Variants in CNTNAP2 observed in about 807,000 individuals in gnomAD.
The protein encoded by CNTNAP2 is contactin-associated protein-like 2.
Under a neutral mutation model 155.2 loss-of-function variants are expected in CNTNAP2, and 98 were observed. The observed-to-expected ratio is 0.63, with a 90% CI of 0.54 to 0.75. The LOEUF (loss-of-function observed/expected upper bound fraction) is 0.75. Ranked by LOEUF, CNTNAP2 falls within the 30% of genes least tolerant of loss-of-function variation. The pLI is 0.00. For missense variants in CNTNAP2, 1,727 were observed against 1,688.1 expected (o/e 1.02, Z -0.40); for synonymous variants, 651 against 631.2 (o/e 1.03, Z -0.47).
chr7:148,293,707 G>A (rs777994361), intron 21 of CNTNAP2, among the ~76,000 whole-genome samples: 45 of 152,068 alleles, frequency 3.0e-4, no homozygotes, highest in African/African-American at 4.8e-5. Flanking sequence ...TGAAGGTTGT[G>A]TCAACATTCC....
chr7:146,983,929 G>A (rs1798067689), intron 3 of CNTNAP2, among the ~76,000 whole-genome samples: 1 of 152,172 alleles, frequency 6.6e-6, no homozygotes, highest in African/African-American at 2.4e-5. Flanking sequence ...CTTAGAAGAT[G>A]TTTTCTTTAA....
chr7:148,068,831 G>T (rs990359901), intron 15 of CNTNAP2, among the ~76,000 whole-genome samples: 3 of 152,134 alleles, frequency 2.0e-5, no homozygotes, highest in Non-Finnish European at 1.5e-5. Flanking sequence ...CTCTGACCCA[G>T]GTTGTTTTAT....
chr7:146,313,881 C>T (rs1391023457), intron 1 of CNTNAP2, among the ~76,000 whole-genome samples: 1 of 152,044 alleles, frequency 6.6e-6, no homozygotes, highest in Non-Finnish European at 1.5e-5. Context: ...TACCTGTAGT[C>T]CCAGTTACTC....
intron 3 of CNTNAP2, among the ~76,000 whole-genome samples, chr7:146,875,054 A>G (rs1457073679): frequency 6.6e-6 from 1 of 152,214 alleles, no homozygotes; most frequent in Non-Finnish European, 1.5e-5. Flanking sequence ...TATTCAATTT[A>G]CATTTATTTG....
intron 11 of CNTNAP2, among the ~76,000 whole-genome samples, chr7:147,537,380 A>G (rs1346295100): frequency 1.3e-5 from 2 of 152,238 alleles, no homozygotes; most frequent in Non-Finnish European, 2.9e-5. Flanking sequence ...CTTAAAAATT[A>G]TATTCAAACT....
intron 21 of CNTNAP2, among the ~76,000 whole-genome samples, chr7:148,344,033 C>A (rs963897643): frequency 2.0e-5 from 3 of 152,144 alleles, no homozygotes; most frequent in African/African-American, 7.2e-5. Context: ...TCTAATGATA[C>A]CCCTAGGAGT....
intron 3 of CNTNAP2, among the ~76,000 whole-genome samples, chr7:147,034,802 C>G (rs1799116473): frequency 6.6e-6 from 1 of 152,120 alleles, no homozygotes; most frequent in Non-Finnish European, 1.5e-5. Context: ...TGTGCTTTTC[C>G]ACTCCTCTGC....
chr7:147,724,716 C>G (rs1563066164), intron 13 of CNTNAP2, among the ~76,000 whole-genome samples: 2 of 152,074 alleles, frequency 1.3e-5, no homozygotes, highest in Non-Finnish European at 2.9e-5. Context: ...ATTTCTCCTT[C>G]CTATATTACA....
Position 148,409,417 on chromosome 7 carries a change from G to C in CNTNAP2, c.3742G>C (p.Gly1248Arg). ...CAGTGCGGATTTTCCATATAATCCAGGACAAGGCCAAGCTATAAGAAATGG... is the reference window on the plus strand; with the variant it reads ...CAGTGCGGATTTTCCATATAATCCACGACAAGGCCAAGCTATAAGAAATGG... ...SASADFPYNPGQGQAIRNGVN... is the reference protein window; with the variant it reads ...SASADFPYNPRQGQAIRNGVN... The change falls in exon 23 of 24, where the codon GGA (glycine) becomes CGA (arginine). Residue 1248 changes from glycine to arginine, a missense_variant. Transcript: ENST00000361727. 6.2e-7 allele frequency: 1 copy of C among 1,613,702 alleles called. No homozygotes were observed. The highest frequency in any genetic ancestry group is 8.5e-7 in the Non-Finnish European group (1 of 1,179,742).
chr7:147,462,716 GCTTAGT>G, intron 10 of CNTNAP2, among the ~76,000 whole-genome samples: 1 of 152,256 alleles, frequency 6.6e-6, no homozygotes, highest in Non-Finnish European at 1.5e-5. Context: ...ATAAAGTCTT[GCTTAGT>G]TGAGTATTCA....
intron 1 of CNTNAP2, among the ~76,000 whole-genome samples, chr7:146,688,493 T>G (rs1800641518): frequency 6.6e-6 from 1 of 151,748 alleles, no homozygotes; most frequent in South Asian, 2.1e-4. Flanking sequence ...TAGTAGAAAA[T>G]TATTACAGTT....
intron 4 of CNTNAP2, among the ~76,000 whole-genome samples, chr7:147,076,343 A>G (rs1404122364): frequency 6.6e-6 from 1 of 152,104 alleles, no homozygotes; most frequent in Non-Finnish European, 1.5e-5. Flanking sequence ...GTGAGATGGT[A>G]TCTCATTGTG....
At chr7:147,707,483 G>C (rs1796333109) in intron 13 of CNTNAP2, among the ~76,000 whole-genome samples, 1 of 152,188 alleles carries the variant, frequency 6.6e-6, no homozygotes, top group Non-Finnish European at 1.5e-5. Flanking sequence ...GATTTTCTGG[G>C]GACAGGGACA....
intron 8 of CNTNAP2, among the ~76,000 whole-genome samples, chr7:147,272,414 T>C (rs561596304): frequency 9.2e-5 from 14 of 152,348 alleles, no homozygotes; most frequent in Non-Finnish European, 1.5e-4. Flanking sequence ...ATTACATACC[T>C]GTCTTTGATG....
intron 1 of CNTNAP2, among the ~76,000 whole-genome samples, chr7:146,486,252 G>T (rs1448528603): frequency 1.3e-5 from 2 of 151,696 alleles, no homozygotes; most frequent in African/African-American, 4.8e-5. Flanking sequence ...TTTTAGTAGA[G>T]ACGGGGTTTC....
chr7:146,839,979 CA>C, intron 3 of CNTNAP2, 75 bp downstream of exon 3: 2 of 1,466,936 alleles, frequency 1.4e-6, no homozygotes, highest in Non-Finnish European at 1.9e-6. Flanking sequence ...ATTTACTAAG[CA>C]TATATAGTTA....
chr7:148,391,206 G>C (rs981148732), intron 22 of CNTNAP2, among the ~76,000 whole-genome samples: 4 of 152,160 alleles, frequency 2.6e-5, no homozygotes, highest in African/African-American at 9.7e-5. Context: ...TTTATCAATA[G>C]ATTTATATAA....
intron 9 of CNTNAP2, among the ~76,000 whole-genome samples, chr7:147,310,154 C>T (rs1235497507): frequency 2.0e-5 from 3 of 152,008 alleles, no homozygotes; most frequent in Non-Finnish European, 4.4e-5. Context: ...TTGATTAGAG[C>T]TATGTTTTAA....
At chr7:146,135,866 GTCTC>G (rs1249270314) in intron 1 of CNTNAP2, among the ~76,000 whole-genome samples, 2 of 152,022 alleles carry the variant, frequency 1.3e-5, no homozygotes, top group African/African-American at 4.8e-5. Flanking sequence ...AAAAATGCTT[GTCTC>G]TCTATGTTCA....
Sources: allele counts gnomAD v4.1 joint callset (sites outside exome capture counted in the v4.1 genomes callset), GRCh38; gene constraint gnomAD v4.1.1; transcripts MANE v1.5; gene names NCBI Gene and HGNC (gene_info 2026-07-23, HGNC 2026-07-21).